NAV1: variants seen among roughly 807,000 people sequenced by gnomAD.
NAV1 encodes the protein pore membrane and/or filament interacting like protein 3.
In NAV1, 18 loss-of-function variants were observed where a neutral mutation model predicts 175.2. The observed-to-expected ratio is 0.10, with a 90% CI of 0.07 to 0.15. The LOEUF is 0.15. NAV1 is among the 10% of genes least tolerant of loss of function. The pLI, the probability that NAV1 is intolerant of heterozygous loss-of-function variation, is 1.00. For synonymous variants in NAV1, 897 were observed against 978.7 expected (o/e 0.92, Z 1.56); for missense variants, 1,731 against 2,436.6 (o/e 0.71, Z 6.10).
chr1:201,703,731 T>C (rs532279928), intron 1 of NAV1, among the ~76,000 whole-genome samples: 2 of 152,350 alleles, frequency 1.3e-5, no homozygotes, highest in Non-Finnish European at 2.9e-5. Context: ...TGAGCTGTCC[T>C]GTGACAGGCT....
At chr1:201,570,554 G>A (rs1666503987) in intron 1 of NAV1, among the ~76,000 whole-genome samples, 1 of 152,230 alleles carries the variant, frequency 6.6e-6, no homozygotes, top group South Asian at 2.1e-4. Context: ...AACCAGAGAG[G>A]CCAAGGAGAT....
upstream of NAV1, among the ~76,000 whole-genome samples, chr1:201,619,377 T>C (rs952018767): frequency 2.6e-4 from 40 of 151,914 alleles, no homozygotes; most frequent in African/African-American, 9.4e-4. Flanking sequence ...GGGGTGGTTG[T>C]TGGGCAACAC....
rs1305901757 is a variant in NAV1, at chr1:201,539,946, G to A, written c.-144+604G>A. ...TCTGGCGCCCGCCCAGTGCGTCTGG[G>A]AGCGGAGAAAGTGGTCCCGGAGGAG... On this transcript the variant is annotated intron_variant, in intron 1 of 33. Coordinates refer to the NAV1 transcript ENST00000685211. This position sits in a 1 kb window ranked among gnomAD's most constrained non-coding sequence, Gnocchi z 5.6. Among the ~76,000 whole-genome samples the A allele has an allele frequency of 6.6e-6, 1 of 152,228 alleles. No homozygotes were observed. The highest frequency in any genetic ancestry group is 1.5e-5 in the Non-Finnish European group (1 of 68,040).
At chr1:201,774,452 G>A (rs1356503104) in intron 3 of NAV1, among the ~76,000 whole-genome samples, 1 of 152,154 alleles carries the variant, frequency 6.6e-6, no homozygotes, top group African/African-American at 2.4e-5. Flanking sequence ...AGGATGGACA[G>A]TGTCCATCCA....
At chr1:201,666,642 T>C (rs897235523) in intron 1 of NAV1, among the ~76,000 whole-genome samples, 5 of 152,210 alleles carry the variant, frequency 3.3e-5, no homozygotes, top group African/African-American at 1.2e-4. Flanking sequence ...GCCCACATCC[T>C]TGGCTTACTG....
intron 21 of NAV1, 78 bp downstream of exon 25, chr1:201,809,339 T>C: frequency 6.3e-7 from 1 of 1,590,608 alleles, no homozygotes; most frequent in African/African-American, 1.3e-5. Context: ...GGACCCTGGG[T>C]ACCTCCAAAA....
At chr1:201,667,200 T>G in intron 1 of NAV1, among the ~76,000 whole-genome samples, 1 of 152,242 alleles carries the variant, frequency 6.6e-6, no homozygotes, top group East Asian at 1.9e-4. Context: ...AAGGATCACC[T>G]GGGGCTCCCC....
chr1:201,739,892 C>G (rs1673290554), intron 3 of NAV1: 1 of 1,285,836 alleles, frequency 7.8e-7, no homozygotes, highest in Non-Finnish European at 9.9e-7. Flanking sequence ...GGAGGGCAGG[C>G]GAGGGTTAGG....
chr1:201,657,989 C>T (rs1226927535), intron 1 of NAV1, among the ~76,000 whole-genome samples: 4 of 152,058 alleles, frequency 2.6e-5, no homozygotes, highest in East Asian at 1.9e-4. Flanking sequence ...TCTGAGATCA[C>T]GCCACTGCAC....
At chr1:201,773,926 G>A (rs563929174) in intron 3 of NAV1, among the ~76,000 whole-genome samples, 51 of 152,042 alleles carry the variant, frequency 3.4e-4, no homozygotes, top group African/African-American at 1.1e-3. Flanking sequence ...TCTGTTCTGG[G>A]GGTAGATGAA....
chr1:201,568,854 C>G (rs1324434850), intron 1 of NAV1, among the ~76,000 whole-genome samples: 1 of 152,118 alleles, frequency 6.6e-6, no homozygotes, highest in East Asian at 1.9e-4. Flanking sequence ...TCTAAAAGTT[C>G]AGATGTGCCT....
intron 1 of NAV1, among the ~76,000 whole-genome samples, chr1:201,579,631 C>T (rs1229687297): frequency 6.6e-6 from 1 of 152,220 alleles, no homozygotes; most frequent in Non-Finnish European, 1.5e-5. Flanking sequence ...GCTGGGATTA[C>T]AGACATGAGC....
At chr1:201,681,863 C>G (rs765388294) in intron 1 of NAV1, among the ~76,000 whole-genome samples, 2 of 152,090 alleles carry the variant, frequency 1.3e-5, no homozygotes, top group African/African-American at 2.4e-5. Flanking sequence ...GCCTATAATC[C>G]TAGCACTTTG....
intron 2 of NAV1, among the ~76,000 whole-genome samples, chr1:201,602,743 A>G (rs1479453640): frequency 6.8e-6 from 1 of 147,316 alleles, no homozygotes; most frequent in East Asian, 2.0e-4. Flanking sequence ...ACCCCTTGAG[A>G]GCTGCTCTTG....
At chr1:201,646,847 C>T (rs966387325), upstream of NAV1, among the ~76,000 whole-genome samples, 1 of 152,202 alleles carries the variant, frequency 6.6e-6, no homozygotes, top group Non-Finnish European at 1.5e-5. Context: ...AGAGATCCTG[C>T]GCTGGCGGGG....
chr1:201,810,500 T>C lies in NAV1; in HGVS notation c.4562-23T>C. 6.3e-7 allele frequency: 1 copy of C among 1,589,914 alleles called. No homozygotes were observed. The highest frequency in any genetic ancestry group is 8.6e-7 in the Non-Finnish European group (1 of 1,167,684). ...TCCTCAAGACCCTGGTCAATACTCATGCTTTCTGGGGTGGGGGTTCAGGTC... is the reference window on the plus strand; with the variant it reads ...TCCTCAAGACCCTGGTCAATACTCACGCTTTCTGGGGTGGGGGTTCAGGTC... On this transcript the variant is annotated intron_variant, in intron 23 of 29. Transcript: ENST00000367296. The surrounding 1 kb of genome is among the most constrained non-coding windows in gnomAD (Gnocchi z 6.0).
upstream of NAV1, among the ~76,000 whole-genome samples, chr1:201,618,777 G>T (rs1668074111): frequency 6.6e-6 from 1 of 152,108 alleles, no homozygotes. Context: ...ACTTTGTAAG[G>T]TTGTTGTTAA....
chr1:201,612,770 C>T (rs182283294), intron 2 of NAV1, among the ~76,000 whole-genome samples: 8 of 152,230 alleles, frequency 5.3e-5, no homozygotes, highest in East Asian at 3.9e-4. Context: ...CACAAGCACT[C>T]GGAGCATGGC....
chr1:201,762,073 T>C (rs2102637266), intron 3 of NAV1, among the ~76,000 whole-genome samples: 1 of 152,270 alleles, frequency 6.6e-6, no homozygotes, highest in East Asian at 1.9e-4. Context: ...GGTGCGAGGA[T>C]CCCTTGAGCT....
Sources: gnomAD v4.1 joint callset for allele counts (sites outside exome capture counted in the v4.1 genomes callset) on GRCh38, gnomAD v4.1.1 for gene constraint, Gnocchi (gnomAD v3.1) non-coding constraint, MANE v1.5 for transcripts, NCBI Gene and HGNC (gene_info 2026-07-23, HGNC 2026-07-21) for gene names.